The following TMEM163 variants were observed in gnomAD, a reference collection of about 807,000 sequenced individuals.
The protein encoded by TMEM163 is transmembrane protein 163.
In TMEM163, 17 loss-of-function variants were observed where a neutral mutation model predicts 29.3. The ratio of observed to expected loss-of-function variants is 0.58; its 90% CI spans 0.40 to 0.87. The LOEUF is 0.87. Ranked by LOEUF, TMEM163 falls within the 40% of genes least tolerant of loss-of-function variation. TMEM163 has a pLI of 0.00. For synonymous variants in TMEM163, 157 were observed against 160.6 expected, an observed-to-expected ratio of 0.98 and a Z score of 0.17; for missense variants, 303 against 381.5, an observed-to-expected ratio of 0.79 and a Z score of 1.71.
At chr2:134,645,802 G>C (rs1323051682) in intron 2 of TMEM163, among the ~76,000 whole-genome samples, 1 of 152,134 alleles carries the variant, frequency 6.6e-6, no homozygotes, top group East Asian at 1.9e-4. Flanking sequence ...TGGTTGCCAG[G>C]CTTTAGGTGT....
At chr2:134,643,928 ATGC>A in intron 2 of TMEM163, among the ~76,000 whole-genome samples, 1 of 152,142 alleles carries the variant, frequency 6.6e-6, no homozygotes, top group East Asian at 1.9e-4. Flanking sequence ...ACTATCAAGT[ATGC>A]AGGGTATAAG....
chr2:134,579,458 A>G (rs975216541), intron 2 of TMEM163, among the ~76,000 whole-genome samples: 2 of 152,204 alleles, frequency 1.3e-5, no homozygotes, highest in African/African-American at 4.8e-5. Context: ...TAACACTGAG[A>G]AGCTTTTTGG....
intron 2 of TMEM163, among the ~76,000 whole-genome samples, chr2:134,622,085 C>T (rs998531517): frequency 3.9e-5 from 6 of 151,940 alleles, no homozygotes; most frequent in Admixed American, 3.3e-4. Context: ...TTGCGTGGTT[C>T]GATTTATATG....
At chr2:134,522,574 C>T (rs987843357) in intron 4 of TMEM163, among the ~76,000 whole-genome samples, 1 of 152,216 alleles carries the variant, frequency 6.6e-6, no homozygotes, top group African/African-American at 2.4e-5. Context: ...GTAAATAACC[C>T]ACAGTGCTTG....
At chr2:134,656,943 C>G (rs183680681) in intron 2 of TMEM163, among the ~76,000 whole-genome samples, 1 of 152,234 alleles carries the variant, frequency 6.6e-6, no homozygotes, top group East Asian at 1.9e-4. Flanking sequence ...AGGAATGAAG[C>G]CTACTTGATC....
chr2:134,550,637 A>G lies in TMEM163; in HGVS notation c.391T>C (p.Ser131Pro). The change falls in exon 4 of 8, where the codon TCA becomes CCA. Residue 131 changes from serine (S) to proline (P), a missense_variant. Ser to Pro is a moderately conservative substitution (Grantham distance 74). This residue lies in a region of TMEM163 where 203 missense variants were observed against 294.3 expected (regional missense o/e 0.69). Coordinates refer to ENST00000281924, the MANE Select transcript of TMEM163 (RefSeq NM_030923.5). ...FAFDAILDVLSSAIVLWRYSN... is the reference protein window; with the variant it reads ...FAFDAILDVLPSAIVLWRYSN... ...TAACGCCACAGGACAATCGCCGATGACAGGACGTCCAGGATGGCATCAAAC... is the reference window on the plus strand; with the variant it reads ...TAACGCCACAGGACAATCGCCGATGGCAGGACGTCCAGGATGGCATCAAAC... The G allele has an allele frequency of 1.2e-6, 2 of 1,614,210 alleles. No homozygotes were observed. Among genetic ancestry groups the G allele is most frequent in the Non-Finnish European group, 1.7e-6 (2 of 1,180,026 alleles).
rs139089387 is a variant in TMEM163 at position 134,585,075 on chromosome 2, T to C, written c.323-32984A>G. 2.0e-5 allele frequency among the ~76,000 whole-genome samples: 3 copies of C among 152,354 alleles called. No individual in the cohort carries two copies. In the East Asian group the frequency reaches 5.8e-4, roughly 29 times the overall value. On this transcript the variant is annotated intron_variant, in intron 2 of 7. Coordinates refer to ENST00000281924, the MANE Select transcript of TMEM163 (RefSeq NM_030923.5). ...TGCCTGCAGACATTTCATTCTCTTA[T>C]AACTATGTCACATGTAGAGATCTTT...
At chr2:134,477,289 A>C (rs1686938042) in intron 5 of TMEM163, among the ~76,000 whole-genome samples, 1 of 152,190 alleles carries the variant, frequency 6.6e-6, no homozygotes, top group South Asian at 2.1e-4. Context: ...GGAACTTACA[A>C]CCTAGTTAGA....
intron 4 of TMEM163, among the ~76,000 whole-genome samples, chr2:134,546,787 T>C (rs1052691009): frequency 1.3e-5 from 2 of 152,110 alleles, no homozygotes; most frequent in African/African-American, 4.8e-5. Context: ...CACTCCAGCC[T>C]GGGCAACAGA....
intron 2 of TMEM163, among the ~76,000 whole-genome samples, chr2:134,689,913 GGTTTGTTTGTTTGTTT>G (rs71400515): frequency 9.3e-5 from 14 of 151,328 alleles, no homozygotes; most frequent in Admixed American, 9.2e-4. Flanking sequence ...GCTCCTTTGC[GGTTTGTTTGTTTGTTT>G]GTTTGTTTGT....
chr2:134,516,244 G>C (rs1325926626), intron 4 of TMEM163, among the ~76,000 whole-genome samples: 6 of 152,108 alleles, frequency 3.9e-5, no homozygotes, highest in African/African-American at 1.4e-4. Flanking sequence ...ATGATATTAA[G>C]CATATATAAA....
At chr2:134,474,815 A>G (rs1268918265) in intron 5 of TMEM163, among the ~76,000 whole-genome samples, 1 of 152,198 alleles carries the variant, frequency 6.6e-6, no homozygotes, top group African/African-American at 2.4e-5. Flanking sequence ...AGACCTGTGC[A>G]CTGAAAACTA....
chr2:134,559,694 C>A (rs978223040), intron 2 of TMEM163, among the ~76,000 whole-genome samples: 10 of 152,098 alleles, frequency 6.6e-5, no homozygotes, highest in Admixed American at 1.3e-4. Flanking sequence ...CTATACAACC[C>A]CGCCCCTAAT....
rs77589166 is a variant in TMEM163, at chr2:134,577,223, G to A, written c.323-25132C>T. On this transcript the variant is annotated intron_variant, in intron 2 of 7. Transcript: ENST00000281924. The stretch of plus-strand genomic sequence containing the variant: ...GCACACGCATAAAGATATGGACACC[G>A]TCGACTCTAATTTGATACCTTCTGA... Among the ~76,000 whole-genome samples the A allele has an allele frequency of 4.6e-3, 699 of 152,258 alleles. 5 individuals are homozygous for A. The highest frequency in any genetic ancestry group is 0.016 in the African/African-American group (659 of 41,534).
chr2:134,684,884 C>T (rs1409697403), intron 2 of TMEM163, among the ~76,000 whole-genome samples: 2 of 147,052 alleles, frequency 1.4e-5, no homozygotes, highest in Non-Finnish European at 3.0e-5. Context: ...GATTGTGCCA[C>T]GGCACTCCAG....
intron 4 of TMEM163, among the ~76,000 whole-genome samples, chr2:134,512,680 G>A (rs748445235): frequency 4.9e-4 from 74 of 152,216 alleles, no homozygotes; most frequent in Non-Finnish European, 1.0e-3. Flanking sequence ...AGCTTCAGGC[G>A]CTGAGATGGA....
chr2:134,646,537 C>T (rs1462439909), intron 2 of TMEM163, among the ~76,000 whole-genome samples: 1 of 152,056 alleles, frequency 6.6e-6, no homozygotes, highest in East Asian at 1.9e-4. Flanking sequence ...CTCCACCTCC[C>T]AGGTTCAGGT....
intron 5 of TMEM163, among the ~76,000 whole-genome samples, chr2:134,482,962 A>T (rs1350257202): frequency 6.6e-6 from 1 of 152,032 alleles, no homozygotes; most frequent in African/African-American, 2.4e-5. Flanking sequence ...CTGCCAGGTG[A>T]GGCCCTGCAG....
intron 6 of TMEM163, among the ~76,000 whole-genome samples, chr2:134,463,845 G>A (rs1243875438): frequency 3.9e-5 from 6 of 152,268 alleles, no homozygotes; most frequent in Non-Finnish European, 7.3e-5. Flanking sequence ...GCAACTTCAC[G>A]CTCCAACAGC....
Sources: gnomAD v4.1 joint callset for allele counts (sites outside exome capture counted in the v4.1 genomes callset) on GRCh38, gnomAD v4.1.1 for gene constraint, gnomAD v4.1.1 regional missense constraint, MANE v1.5 for transcripts, NCBI Gene and HGNC (gene_info 2026-07-23, HGNC 2026-07-21) for gene names.